CORO7: variants seen among roughly 807,000 people sequenced by gnomAD.
The protein encoded by CORO7 is coronin 7.
A neutral mutation model predicts 126.6 loss-of-function variants in CORO7; 107 were observed. The observed-to-expected ratio is 0.85, with a 90% confidence interval of 0.72 to 0.99. The LOEUF (loss-of-function observed/expected upper bound fraction) is 0.99, where lower values mean the gene tolerates loss of function less well. Ranked by LOEUF, CORO7 falls within the 50% of genes least tolerant of loss-of-function variation. The pLI is 0.00. For synonymous variants in CORO7, 603 were observed against 536.8 expected (o/e 1.12, Z -1.70); for missense variants, 1,314 against 1,255.8 (o/e 1.05, Z -0.70).
In CORO7 at chr16:4,380,907, G is replaced by A. The variant is rs753547103; in HGVS notation, c.785+7079C>T. The A allele has an allele frequency of 3.3e-5, 52 of 1,558,376 alleles. No homozygotes were observed. In the East Asian group the frequency reaches 9.2e-4, roughly 28 times the overall value. ...GCTCCAGGGTCCCTCTGCTGCTGCC[G>A]CTGCTCCTGCTACTGGCCCTGGGGC... On this transcript the variant is annotated intron_variant, in intron 9 of 27. Coordinates refer to ENST00000251166, the MANE Select transcript of CORO7 (RefSeq NM_024535.5).
At chr16:4,372,081 G>GCA (rs1334346690) in intron 9 of CORO7, 1 of 151,656 alleles carries the variant, frequency 6.6e-6, no homozygotes, top group Non-Finnish European at 1.5e-5. Flanking sequence ...GCCGCCGCGC[G>GCA]CACACACGCA....
intron 4 of CORO7, among the ~76,000 whole-genome samples, chr16:4,407,954 T>A (rs1426053132): frequency 6.6e-6 from 1 of 152,034 alleles, no homozygotes; most frequent in Non-Finnish European, 1.5e-5. Flanking sequence ...TCTGGCAGCA[T>A]CCCCACCTGC....
chr16:4,414,190 C>CAAAAAAAAAAAAAAAAAAAAA (rs61676929), intron 1 of CORO7: 1 of 114,866 alleles, frequency 8.7e-6, no homozygotes, highest in Non-Finnish European at 1.8e-5. Flanking sequence ...GACTCCATCT[C>CAAAAAAAAAAAAAAAAAAAAA]AAAAAAAAAA....
intron 9 of CORO7, among the ~76,000 whole-genome samples, chr16:4,376,682 C>A (rs1185703814): frequency 6.6e-6 from 1 of 152,150 alleles, no homozygotes; most frequent in African/African-American, 2.4e-5. Context: ...GGGTGGGCGT[C>A]CCCCTGGGAG....
rs777324216 is a variant in CORO7, at chr16:4,365,512, C to T, written c.819G>A (p.Gly273=). The part of the protein sequence containing the change: ...CLVPLLDPDS[G]LLVLAGKGER... ...TCACCTTTCCTGCCAGGACCAGGAG[C>T]CCAGAGTCAGGGTCCAGCAGAGGCA... Residue 273 remains glycine, a synonymous_variant, in exon 10 of 28, where the codon GGG becomes GGA. Transcript: ENST00000251166. 6.3e-7 allele frequency: 1 copy of T among 1,578,806 alleles called. No individual in the cohort carries two copies. Among genetic ancestry groups the T allele is most frequent in the Non-Finnish European group, 8.6e-7 (1 of 1,162,682 alleles).
chr16:4,395,651 C>T (rs555754171), intron 6 of CORO7, among the ~76,000 whole-genome samples: 1 of 152,320 alleles, frequency 6.6e-6, no homozygotes. Context: ...CCTACTCTTC[C>T]AACTACCCTA....
At chr16:4,382,065 C>A in intron 9 of CORO7, 1 of 1,588,740 alleles carries the variant, frequency 6.3e-7, no homozygotes, top group Non-Finnish European at 8.6e-7. Context: ...CCTCCACTGC[C>A]CCACCGACTG....
chr16:4,412,795 A>C, intron 2 of CORO7: 2 of 316,150 alleles, frequency 6.3e-6, no homozygotes, highest in Non-Finnish European at 1.2e-5. Context: ...AGAGACCCAG[A>C]GAGGTCAGGG....
At position 4,403,483 on chromosome 16, in the gene CORO7, G is replaced by A. The variant is rs931205891; in HGVS notation, c.564+2008C>T. ...AGGAACCAGGGAAGGAGGGGGAGTC[G>A]TTCCACTAAGCATCACTCCCACGAC... On this transcript the variant is annotated intron_variant, in intron 6 of 27. Transcript: ENST00000251166. Among the ~76,000 whole-genome samples the A allele has an allele frequency of 2.6e-4, 39 of 152,230 alleles. 1 individual carries two copies. The East Asian group carries it at 4.3e-3, about 17-fold the overall frequency.
chr16:4,383,545 G>A (rs1034366138), intron 9 of CORO7: 2 of 166,926 alleles, frequency 1.2e-5, no homozygotes, highest in African/African-American at 4.8e-5. Context: ...CTCAGCCCCA[G>A]GGTAGAAGGG....
intron 6 of CORO7, among the ~76,000 whole-genome samples, chr16:4,401,898 GTTTC>G (rs2055821977): frequency 6.7e-6 from 1 of 149,730 alleles, no homozygotes; most frequent in Non-Finnish European, 1.5e-5. Context: ...GCCCCCTATG[GTTTC>G]TTTTTTTCCT....
Position 4,362,991 on chromosome 16 carries a change from G to A in CORO7, c.1276-253C>T. The A allele has an allele frequency of 2.6e-6, 1 of 385,464 alleles. No individual in the cohort carries two copies. 23.9% of individuals were successfully genotyped at this position (385,464 alleles called of 1,614,324 possible). A position where few individuals can be genotyped will look rare whatever the true frequency, so the allele number is the denominator to read the frequency against. On this transcript the variant is annotated intron_variant, in intron 14 of 27. Transcript: ENST00000251166. The surrounding 1 kb of genome is among the most constrained non-coding windows in gnomAD (Gnocchi z 5.3). The stretch of plus-strand genomic sequence containing the variant: ...GCCCTGCAGGAGGGTGTGCCCAGTG[G>A]GTTAGATCTGCCAGTATTTTAAGAG...
At chr16:4,366,221 A>T (rs2054342357) in intron 9 of CORO7, among the ~76,000 whole-genome samples, 1 of 152,226 alleles carries the variant, frequency 6.6e-6, no homozygotes, top group South Asian at 2.1e-4. Flanking sequence ...GCCTGCCAGC[A>T]GCATGCTCCC....
intron 3 of CORO7, 23 bp from the exon 4 acceptor site, chr16:4,408,274 C>T (rs766525986): frequency 4.8e-5 from 78 of 1,614,024 alleles, no homozygotes; most frequent in Non-Finnish European, 5.9e-5. Flanking sequence ...AATGGCTGAA[C>T]CCACCGGAAT....
At chr16:4,393,269 C>A (rs546452666) in intron 7 of CORO7, among the ~76,000 whole-genome samples, 27 of 152,306 alleles carry the variant, frequency 1.8e-4, no homozygotes, top group African/African-American at 6.0e-4. Context: ...TCAAGCTGAG[C>A]CTGGGCCCCG....
chr16:4,414,190 CAAA>C (rs61676929), intron 1 of CORO7: 16 of 114,836 alleles, frequency 1.4e-4, no homozygotes, highest in Non-Finnish European at 1.3e-4. Flanking sequence ...GACTCCATCT[CAAA>C]AAAAAAAAAA....
chr16:4,362,254 C>T lies in CORO7; in HGVS notation c.1403-94G>A, dbSNP rs2054205323. 10 of 1,484,368 alleles carry T rather than the reference C, an allele frequency of 6.7e-6. No homozygotes were observed. The highest frequency in any genetic ancestry group is 5.4e-5 in the South Asian group (4 of 74,726). The allele number at this position is 1,484,368 out of a possible 1,614,324, so 91.9% of individuals were successfully genotyped here. A position where few individuals can be genotyped will look rare whatever the true frequency, so the allele number is the denominator to read the frequency against. ...TCCCGGCTGCCCACTCCCCTCACCC[C>T]AGGTGGATGTACAGCATGGACCTAG... On this transcript the variant is annotated intron_variant, in intron 15 of 27. Transcript: ENST00000251166. The surrounding 1 kb of genome is among the most constrained non-coding windows in gnomAD (Gnocchi z 5.3).
At chr16:4,378,972 A>C (rs2054854908) in intron 9 of CORO7, among the ~76,000 whole-genome samples, 1 of 152,044 alleles carries the variant, frequency 6.6e-6, no homozygotes, top group African/African-American at 2.4e-5. Context: ...AACCCCGGGG[A>C]CAAGGGCTTC....
In CORO7 at chr16:4,362,148, T is replaced by G. The variant is rs756774746; in HGVS notation, c.1415A>C (p.Lys472Thr). Residue 472 changes from lysine to threonine, a missense_variant, in exon 16 of 28, where the codon AAG becomes ACG. Transcript: ENST00000251166. The surrounding 1 kb of genome is among the most constrained non-coding windows in gnomAD (Gnocchi z 5.3). ...GACAGTGCCCTGAGCATGGCGGAAC[T>G]TGGAACTGGGGCCTGGCAGGTGGCA... ...SLQSLLGPSSKFRHAQGTVLH... is the reference protein window; with the variant it reads ...SLQSLLGPSSTFRHAQGTVLH... 2.5e-6 allele frequency: 4 copies of G among 1,607,718 alleles called. No homozygotes were observed. The highest frequency in any genetic ancestry group is 3.4e-6 in the Non-Finnish European group (4 of 1,178,006).
Sources: allele counts gnomAD v4.1 joint callset (sites outside exome capture counted in the v4.1 genomes callset), GRCh38; gene constraint gnomAD v4.1.1; non-coding constraint Gnocchi (gnomAD v3.1); transcripts MANE v1.5; gene names NCBI Gene and HGNC (gene_info 2026-07-23, HGNC 2026-07-21).